The following GPR157 variants were observed in gnomAD, a reference collection of about 807,000 sequenced individuals.
GPR157 encodes the protein G protein-coupled receptor 157, also known as G-protein coupled receptor 157.
In GPR157, 16 loss-of-function variants were observed where a neutral mutation model predicts 23.5. The ratio of observed to expected loss-of-function variants is 0.68; its 90% CI spans 0.46 to 1.04. The LOEUF (loss-of-function observed/expected upper bound fraction) is 1.04. Among genes scored for constraint, GPR157 ranks in the 50% least tolerant of loss-of-function variants. The pLI is 0.00. For missense variants in GPR157, 440 were observed against 460.7 expected (o/e 0.96, Z 0.41); for synonymous variants, 200 against 221.5 (o/e 0.90, Z 0.86).
chr1:9,100,444 T>G lies in GPR157; in HGVS notation c.*3975A>C, dbSNP rs1403394443. 6.6e-6 allele frequency: 1 copy of G among 152,234 alleles called. No homozygotes were observed. Among genetic ancestry groups the G allele is most frequent in the Non-Finnish European group, 1.5e-5 (1 of 68,048 alleles). The allele number at this position is 152,234 out of a possible 1,614,324, so 9.4% of individuals were successfully genotyped here. A position where few individuals can be genotyped will look rare whatever the true frequency, so the allele number is the denominator to read the frequency against. ...ACTAGAAGTTTGTAAAAACTATTTT[T>G]CTTGTCGTGGACACGTGAAGAGTTC... On this transcript the variant is annotated 3_prime_UTR_variant, in exon 4 of 4. Coordinates refer to ENST00000377411, the MANE Select transcript of GPR157 (RefSeq NM_024980.5).
At chr1:9,123,174 A>AT (rs1338512815) in intron 1 of GPR157, among the ~76,000 whole-genome samples, 9,869 of 116,510 alleles carry the variant, frequency 0.085, 547 homozygotes, top group Admixed American at 0.14. Context: ...AAAAAAAAAA[A>AT]ATATATATAT....
rs1316157060 is a variant in GPR157, at chr1:9,102,392, T to C, written c.*2027A>G. The C allele has an allele frequency of 2.7e-5, 3 of 111,088 alleles. No homozygotes were observed. The highest frequency in any genetic ancestry group is 2.8e-4 in the South Asian group (1 of 3,626). The allele number at this position is 111,088 out of a possible 1,614,324, so 6.9% of individuals were successfully genotyped here. A position where few individuals can be genotyped will look rare whatever the true frequency, so the allele number is the denominator to read the frequency against. ...CACCACTGCACTCCAGCCTGGGCAATAGAGTGAGACTCCATCTCAAAAAAA... is the reference window on the plus strand; with the variant it reads ...CACCACTGCACTCCAGCCTGGGCAACAGAGTGAGACTCCATCTCAAAAAAA... On this transcript the variant is annotated 3_prime_UTR_variant, in exon 4 of 4. Transcript: ENST00000377411.
At chr1:9,115,205 C>T (rs940388703) in intron 1 of GPR157, among the ~76,000 whole-genome samples, 13 of 152,074 alleles carry the variant, frequency 8.5e-5, no homozygotes, top group South Asian at 2.1e-4. Flanking sequence ...AAAACATAGA[C>T]GTGTGCATGT....
intron 1 of GPR157, among the ~76,000 whole-genome samples, chr1:9,122,950 A>G (rs1035345950): frequency 6.6e-6 from 1 of 151,858 alleles, no homozygotes; most frequent in Non-Finnish European, 1.5e-5. Flanking sequence ...TGAGGTCAGG[A>G]GTTTGAGATC....
chr1:9,121,966 C>G (rs1423192395), intron 1 of GPR157, among the ~76,000 whole-genome samples: 1 of 152,158 alleles, frequency 6.6e-6, no homozygotes, highest in Non-Finnish European at 1.5e-5. Flanking sequence ...CTGTCCCGAC[C>G]CTTTAGCAGC....
chr1:9,123,677 A>T (rs1180686855), intron 1 of GPR157, among the ~76,000 whole-genome samples: 1 of 116,626 alleles, frequency 8.6e-6, no homozygotes, highest in Middle Eastern at 4.5e-3. Flanking sequence ...ATTTAATATT[A>T]AATATATATT....
At position 9,103,504 on chromosome 1, in the gene GPR157, T is replaced by C. The variant is rs138027360; in HGVS notation, c.*915A>G. The C allele has an allele frequency of 3.9e-5, 6 of 152,328 alleles. No homozygotes were observed. Among genetic ancestry groups the C allele is most frequent in the Non-Finnish European group, 7.3e-5 (5 of 68,058 alleles). 9.4% of individuals were successfully genotyped at this position (152,328 alleles called of 1,614,324 possible). A position where few individuals can be genotyped will look rare whatever the true frequency, so the allele number is the denominator to read the frequency against. On this transcript the variant is annotated 3_prime_UTR_variant, in exon 4 of 4. Coordinates refer to ENST00000377411, the MANE Select transcript of GPR157 (RefSeq NM_024980.5). ...GGATTACTCATCTCTCCGGCCACTT[T>C]ACTTACAAAAAACTAAACTAAGAAG...
Position 9,128,558 on chromosome 1 carries a change from A to C in GPR157, c.383+87T>G. On this transcript the variant is annotated intron_variant, in intron 1 of 3. Coordinates refer to ENST00000377411, the MANE Select transcript of GPR157 (RefSeq NM_024980.5). The surrounding 1 kb of genome is among the most constrained non-coding windows in gnomAD (Gnocchi z 6.3). The stretch of plus-strand genomic sequence containing the variant: ...GCTTGCTGTGGGTAGGGGGTGTCCA[A>C]CCTAGACGCGGCCTCTGGGAGGGCA... 7.6e-7 allele frequency: 1 copy of C among 1,308,376 alleles called. No individual in the cohort carries two copies. Among genetic ancestry groups the C allele is most frequent in the Non-Finnish European group, 1.1e-6 (1 of 924,046 alleles). The allele number at this position is 1,308,376 out of a possible 1,614,324, so 81.0% of individuals were successfully genotyped here. A position where few individuals can be genotyped will look rare whatever the true frequency, so the allele number is the denominator to read the frequency against.
At position 9,105,003 on chromosome 1, in the gene GPR157, A is replaced by ACC. The variant is rs57717142; in HGVS notation, c.793-371_793-370dup. 1.1e-3 allele frequency among the ~76,000 whole-genome samples: 124 copies of ACC among 109,544 alleles called. 5 individuals carry two copies. The highest frequency in any genetic ancestry group is 1.9e-3 in the East Asian group (7 of 3,688). 71.9% of individuals were successfully genotyped at this position (109,544 alleles called of 152,430 possible). On this transcript the variant is annotated intron_variant, in intron 3 of 3. Transcript: ENST00000377411. This position sits in a 1 kb window ranked among gnomAD's most constrained non-coding sequence, Gnocchi z 4.8. ...TGACAAAGCCAGACTCTGTCCCCGC[A>ACC]CCCCCCCCCAAAAAAGAGAAATGGC...
rs983988796 is a variant in GPR157 at position 9,100,602 on chromosome 1, A to C, written c.*3817T>G. 3.3e-5 allele frequency: 5 copies of C among 152,248 alleles called. No individual in the cohort carries two copies. The highest frequency in any genetic ancestry group is 1.2e-4 in the African/African-American group (5 of 41,464). The allele number at this position is 152,248 out of a possible 1,614,324, so 9.4% of individuals were successfully genotyped here. On this transcript the variant is annotated 3_prime_UTR_variant, in exon 4 of 4. Coordinates refer to ENST00000377411, the MANE Select transcript of GPR157 (RefSeq NM_024980.5). The stretch of plus-strand genomic sequence containing the variant: ...AAACCTGGTTAAAAGACCAAAGTTC[A>C]GAAAGTGCATGGGAGAGGGACGCTG...
intron 1 of GPR157, among the ~76,000 whole-genome samples, chr1:9,114,084 T>G (rs1638580804): frequency 6.6e-6 from 1 of 151,452 alleles, no homozygotes; most frequent in East Asian, 1.9e-4. Context: ...CTTTTGGGAC[T>G]TTGGGAGGCC....
rs1444217227 is a variant in GPR157 at position 9,102,070 on chromosome 1, C to T, written c.*2349G>A. ...TTTCCCTGGAGCAGCCCAGAGCTCT[C>T]TTTCAATCCTAAGGGGATGTCTGTC... On this transcript the variant is annotated 3_prime_UTR_variant, in exon 4 of 4. Transcript: ENST00000377411. The T allele has an allele frequency of 6.6e-6, 1 of 152,168 alleles. No individual in the cohort carries two copies. The highest frequency in any genetic ancestry group is 1.5e-5 in the Non-Finnish European group (1 of 68,046). The allele number at this position is 152,168 out of a possible 1,614,324, so 9.4% of individuals were successfully genotyped here. A position where few individuals can be genotyped will look rare whatever the true frequency, so the allele number is the denominator to read the frequency against.
intron 2 of GPR157, among the ~76,000 whole-genome samples, chr1:9,109,761 G>A (rs1433876470): frequency 3.3e-5 from 5 of 152,222 alleles, no homozygotes. Flanking sequence ...ACCTGAGGCA[G>A]AAGTGGGGTC....
intron 3 of GPR157, among the ~76,000 whole-genome samples, chr1:9,104,902 A>G (rs2124505678): frequency 6.6e-6 from 1 of 152,052 alleles, no homozygotes; most frequent in Middle Eastern, 3.4e-3. Context: ...ACGGAGGCTG[A>G]GGCAGGAGAA....
In GPR157 at chr1:9,123,269, T is replaced by TTA. The variant is rs1363514877; in HGVS notation, c.383+5375_383+5376insTA. ...ATTTAAATATATATTTAAATATATATATTTAAATATATATTTAAATTAATA... is the reference window on the plus strand; with the variant it reads ...ATTTAAATATATATTTAAATATATATTAATTTAAATATATATTTAAATTAATA... On this transcript the variant is annotated intron_variant, in intron 1 of 3. Transcript: ENST00000377411. Among the ~76,000 whole-genome samples, 43 of 21,392 alleles carry TTA rather than the reference T, an allele frequency of 2.0e-3. 2 individuals carry two copies. Among genetic ancestry groups the TTA allele is most frequent in the African/African-American group, 8.7e-3 (39 of 4,484 alleles). The allele number at this position is 21,392 out of a possible 152,430, so 14.0% of individuals were successfully genotyped here.
chr1:9,111,282 G>A lies in GPR157; in HGVS notation c.591C>T (p.Asn197=), dbSNP rs1469127028. The change falls in exon 2 of 4, where the codon AAC becomes AAT. Residue 197 remains asparagine (N), a synonymous_variant. Transcript: ENST00000377411. Reference sequence around the variant, plus strand: ...CTCTAAGGGCAGCGCCTACCGCTCTGTTGATGTGCTTCCGGACCAGGAGGT... The same window carrying A: ...CTCTAAGGGCAGCGCCTACCGCTCTATTGATGTGCTTCCGGACCAGGAGGT... ...LLYLLVRKHI[N]RAHTALSEYR... is the part of the protein sequence containing the mutation. 5 of 1,614,124 alleles carry A rather than the reference G, an allele frequency of 3.1e-6. No individual in the cohort carries two copies. The East Asian group carries it at 6.7e-5, about 22-fold the overall frequency.
intron 3 of GPR157, among the ~76,000 whole-genome samples, chr1:9,104,973 C>A (rs1344918962): frequency 1.3e-5 from 2 of 150,324 alleles, no homozygotes; most frequent in African/African-American, 4.9e-5. Flanking sequence ...GCACTCCAAC[C>A]TGGGTGACAA....
chr1:9,124,325 T>G (rs1346920294), intron 1 of GPR157, among the ~76,000 whole-genome samples: 2 of 152,124 alleles, frequency 1.3e-5, no homozygotes, highest in Admixed American at 1.3e-4. Flanking sequence ...TTATTGTAAA[T>G]ACAAAATTGC....
Position 9,128,833 on chromosome 1 carries a change from G to A in GPR157, c.195C>T (p.Phe65=), listed in dbSNP as rs755172760. 1.9e-6 allele frequency: 3 copies of A among 1,606,072 alleles called. No homozygotes were observed. The highest frequency in any genetic ancestry group is 1.7e-5 in the Admixed American group (1 of 58,854). Reference sequence around the variant, plus strand: ...CCGCGAAGTTCTGCAGCACTCCGTAGAAGTAGGAGGCGGCCGAGAGCAGGT... The same window carrying A: ...CCGCGAAGTTCTGCAGCACTCCGTAAAAGTAGGAGGCGGCCGAGAGCAGGT... ...LADLLSAASY[F]YGVLQNFAGP... The change falls in exon 1 of 4, where the codon TTC becomes TTT. Residue 65 remains phenylalanine, a synonymous_variant. Transcript: ENST00000377411. This position sits in a 1 kb window ranked among gnomAD's most constrained non-coding sequence, Gnocchi z 6.3.
Sources: gnomAD v4.1 joint callset for allele counts (sites outside exome capture counted in the v4.1 genomes callset) on GRCh38, gnomAD v4.1.1 for gene constraint, Gnocchi (gnomAD v3.1) non-coding constraint, MANE v1.5 for transcripts, NCBI Gene and HGNC (gene_info 2026-07-23, HGNC 2026-07-21) for gene names.